WNT8B: variants seen among roughly 807,000 people sequenced by gnomAD.
WNT8B encodes the protein protein Wnt-8b.
A neutral mutation model predicts 36.6 loss-of-function variants in WNT8B; 24 were observed. The ratio of observed to expected loss-of-function variants is 0.66; its 90% CI spans 0.48 to 0.92. The LOEUF is 0.92. Ranked by LOEUF, WNT8B falls within the 40% of genes least tolerant of loss-of-function variation. WNT8B has a pLI of 0.00. For synonymous variants in WNT8B, 199 were observed against 189.8 expected, an observed-to-expected ratio of 1.05 and a Z score of -0.40; for missense variants, 402 against 470.8, an observed-to-expected ratio of 0.85 and a Z score of 1.35.
chr10:100,481,135 T>C lies in WNT8B; in HGVS notation c.367+12T>C, dbSNP rs769693355. 1.9e-6 allele frequency: 3 copies of C among 1,613,770 alleles called. No individual in the cohort carries two copies. Among genetic ancestry groups the C allele is most frequent in the Admixed American group, 1.7e-5 (1 of 59,994 alleles). On this transcript the variant is annotated intron_variant, in intron 4 of 5. Coordinates refer to ENST00000343737, the MANE Select transcript of WNT8B (RefSeq NM_003393.4). ...CAACGGGCAACTGGGTGAGTAGTAA[T>C]GTAGGGATGGGTACCATAGGCCAGC...
chr10:100,477,220 C>G (rs555388125), intron 1 of WNT8B, among the ~76,000 whole-genome samples: 1 of 152,220 alleles, frequency 6.6e-6, no homozygotes, highest in African/African-American at 2.4e-5. Flanking sequence ...CATGTATCAA[C>G]GTATCATTCC....
chr10:100,476,135 CAA>C (rs1255470091), intron 1 of WNT8B, among the ~76,000 whole-genome samples: 1 of 126,638 alleles, frequency 7.9e-6, no homozygotes. Flanking sequence ...ACTAAAAATA[CAA>C]AAAAAAAAAA....
At chr10:100,478,729 C>T (rs1851072482) in intron 1 of WNT8B, among the ~76,000 whole-genome samples, 1 of 152,034 alleles carries the variant, frequency 6.6e-6, no homozygotes, top group Admixed American at 6.6e-5. Context: ...CTACAGGCGC[C>T]TGCCACCATG....
At chr10:100,464,407 C>T (rs1850889085) in intron 1 of WNT8B, among the ~76,000 whole-genome samples, 1 of 152,024 alleles carries the variant, frequency 6.6e-6, no homozygotes, top group Non-Finnish European at 1.5e-5. Flanking sequence ...AACAAAAAGA[C>T]AAAAGGGAGA....
intron 1 of WNT8B, among the ~76,000 whole-genome samples, chr10:100,477,074 A>T (rs1431828425): frequency 1.3e-5 from 2 of 152,132 alleles, no homozygotes; most frequent in African/African-American, 4.8e-5. Context: ...GCAACCACTG[A>T]TCTGTCCTCC....
chr10:100,482,373 G>T lies in WNT8B; in HGVS notation c.613G>T (p.Gly205Cys). Residue 205 changes from glycine to cysteine, a missense_variant, in exon 6 of 6, where the codon GGC becomes TGC. Gly to Cys is a radical substitution (Grantham distance 159). Around this residue, in one of 3 missense-constraint regions of WNT8B, gnomAD observed 256 missense variants for 278.6 expected, o/e 0.92. Coordinates refer to ENST00000343737, the MANE Select transcript of WNT8B (RefSeq NM_003393.4). This position sits in a 1 kb window ranked among gnomAD's most constrained non-coding sequence, Gnocchi z 6.6. ...WLQLPEFREV[G>C]AHLKEKYHAA... Reference sequence around the variant, plus strand: ...GCAGCTGCCCGAGTTCCGCGAGGTGGGCGCGCACCTGAAGGAGAAGTACCA... The same window carrying T: ...GCAGCTGCCCGAGTTCCGCGAGGTGTGCGCGCACCTGAAGGAGAAGTACCA... 1.2e-6 allele frequency: 2 copies of T among 1,606,170 alleles called. No homozygotes were observed. Among genetic ancestry groups the T allele is most frequent in the Non-Finnish European group, 1.7e-6 (2 of 1,179,958 alleles).
At chr10:100,469,161 A>G (rs770080253) in intron 1 of WNT8B, among the ~76,000 whole-genome samples, 2 of 152,176 alleles carry the variant, frequency 1.3e-5, no homozygotes, top group Non-Finnish European at 2.9e-5. Context: ...TTTTCTTTCT[A>G]TACTCATCTT....
At position 100,482,407 on chromosome 10, in the gene WNT8B, T is replaced by G; in HGVS notation, c.647T>G (p.Leu216Arg). ...AHLKEKYHAA[L>R]KVDLLQGAGN... ...CTGAAGGAGAAGTACCACGCAGCAC[T>G]CAAGGTGGACCTGCTGCAGGGTGCT... The change falls in exon 6 of 6, where the codon CTC becomes CGC. Residue 216 changes from leucine (L) to arginine (R), a missense_variant. Physicochemically the swap from Leu to Arg is moderately radical, Grantham distance 102. Around this residue, in one of 3 missense-constraint regions of WNT8B, gnomAD observed 256 missense variants for 278.6 expected, o/e 0.92. Coordinates refer to ENST00000343737, the MANE Select transcript of WNT8B (RefSeq NM_003393.4). The surrounding 1 kb of genome is among the most constrained non-coding windows in gnomAD (Gnocchi z 6.6). 1 of 1,607,338 alleles carries G rather than the reference T, an allele frequency of 6.2e-7. No homozygotes were observed. The highest frequency in any genetic ancestry group is 2.2e-5 in the East Asian group (1 of 44,860).
chr10:100,472,056 TG>T (rs976073996), intron 1 of WNT8B, among the ~76,000 whole-genome samples: 3 of 150,546 alleles, frequency 2.0e-5, no homozygotes, highest in African/African-American at 7.3e-5. Flanking sequence ...TTAGCCAGCA[TG>T]GTGGCATGTG....
chr10:100,468,019 A>G (rs1850925365), intron 1 of WNT8B, among the ~76,000 whole-genome samples: 1 of 152,244 alleles, frequency 6.6e-6, no homozygotes, highest in African/African-American at 2.4e-5. Flanking sequence ...TTTGGGGAAC[A>G]TTGTACATTT....
chr10:100,481,822 C>G (rs770313704), intron 4 of WNT8B, 90 bp from the exon 5 acceptor site: 7 of 1,534,552 alleles, frequency 4.6e-6, no homozygotes, highest in South Asian at 3.7e-5. Context: ...TATCCTGGAC[C>G]CCCCCACCCC....
At position 100,482,998 on chromosome 10, in the gene WNT8B, T is replaced by TAGGAGAGCA; in HGVS notation, c.*182_*183insAGGAGAGCA. 3.0e-6 allele frequency: 2 copies of TAGGAGAGCA among 656,260 alleles called. No individual in the cohort carries two copies. Among genetic ancestry groups the TAGGAGAGCA allele is most frequent in the Non-Finnish European group, 4.8e-6 (2 of 415,854 alleles). 40.7% of individuals were successfully genotyped at this position (656,260 alleles called of 1,614,324 possible). A position where few individuals can be genotyped will look rare whatever the true frequency, so the allele number is the denominator to read the frequency against. ...CTGTTTCCCCAATTCCTCTGTGCTC[T>TAGGAGAGCA]CCTAGAGCTCTGTCTGAATCCTCGC... On this transcript the variant is annotated 3_prime_UTR_variant, in exon 6 of 6. Transcript: ENST00000343737. This position sits in a 1 kb window ranked among gnomAD's most constrained non-coding sequence, Gnocchi z 6.6.
chr10:100,472,426 G>A (rs1452929864), intron 1 of WNT8B, among the ~76,000 whole-genome samples: 1 of 152,036 alleles, frequency 6.6e-6, no homozygotes, highest in East Asian at 1.9e-4. Flanking sequence ...GGACAACAGA[G>A]CAAGTCCCTC....
At chr10:100,473,327 T>C (rs148147170) in intron 1 of WNT8B, among the ~76,000 whole-genome samples, 2,640 of 152,182 alleles carry the variant, frequency 0.017, 34 homozygotes, top group Non-Finnish European at 0.028. Context: ...AAATCAATGA[T>C]TTTTTTTAGC....
At chr10:100,477,363 C>T (rs899918328) in intron 1 of WNT8B, among the ~76,000 whole-genome samples, 11 of 149,726 alleles carry the variant, frequency 7.3e-5, no homozygotes, top group South Asian at 2.1e-4. Flanking sequence ...TGCAGTGGCG[C>T]GATCTTGGCT....
At chr10:100,470,087 A>T (rs1850958882) in intron 1 of WNT8B, among the ~76,000 whole-genome samples, 1 of 152,168 alleles carries the variant, frequency 6.6e-6, no homozygotes, top group African/African-American at 2.4e-5. Context: ...CAATTTCGGT[A>T]ATCAGATGTC....
intron 1 of WNT8B, among the ~76,000 whole-genome samples, chr10:100,464,026 G>A (rs982409296): frequency 8.5e-5 from 13 of 152,092 alleles, no homozygotes; most frequent in Admixed American, 2.0e-4. Flanking sequence ...TAGGGTGTTC[G>A]GAGTTTCTCT....
chr10:100,472,483 C>T (rs1241139063), intron 1 of WNT8B, among the ~76,000 whole-genome samples: 1 of 152,136 alleles, frequency 6.6e-6, no homozygotes, highest in Non-Finnish European at 1.5e-5. Flanking sequence ...AGAATAAACA[C>T]TCAGTGAAAA....
chr10:100,474,573 T>C (rs1261962759), intron 1 of WNT8B, among the ~76,000 whole-genome samples: 2 of 150,324 alleles, frequency 1.3e-5, no homozygotes, highest in East Asian at 3.9e-4. Context: ...GACAGTCTTC[T>C]TTTTTTTTTG....
Sources: allele counts gnomAD v4.1 joint callset (sites outside exome capture counted in the v4.1 genomes callset), GRCh38; gene constraint gnomAD v4.1.1; regional missense constraint gnomAD v4.1.1; non-coding constraint Gnocchi (gnomAD v3.1); transcripts MANE v1.5; gene names NCBI Gene and HGNC (gene_info 2026-07-23, HGNC 2026-07-21).